CNTNAP2: variants seen among roughly 807,000 people sequenced by gnomAD.
CNTNAP2 encodes the protein contactin-associated protein-like 2.
A neutral mutation model predicts 155.2 loss-of-function variants in CNTNAP2; 98 were observed. The ratio of observed to expected loss-of-function variants is 0.63; its 90% CI spans 0.54 to 0.75. The LOEUF is 0.75. CNTNAP2 is among the 30% of genes least tolerant of loss of function. CNTNAP2 has a pLI of 0.00. For missense variants in CNTNAP2, 1,727 were observed against 1,688.1 expected (o/e 1.02, Z -0.40); for synonymous variants, 651 against 631.2 (o/e 1.03, Z -0.47).
chr7:146,535,101 A>G (rs58249285), intron 1 of CNTNAP2, among the ~76,000 whole-genome samples: 147 of 6,308 alleles, frequency 0.023, 25 homozygotes, highest in African/African-American at 0.12. Flanking sequence ...TTATATATAT[A>G]TTATATATAT....
chr7:148,174,099 C>G, intron 18 of CNTNAP2, among the ~76,000 whole-genome samples: 1 of 152,210 alleles, frequency 6.6e-6, no homozygotes, highest in East Asian at 1.9e-4. Context: ...CAAAAGACAT[C>G]TAAATATTTC....
intron 3 of CNTNAP2, among the ~76,000 whole-genome samples, chr7:146,842,091 T>C (rs1053628955): frequency 9.2e-5 from 14 of 152,132 alleles, no homozygotes; most frequent in African/African-American, 3.4e-4. Context: ...TTCACCAGGT[T>C]GGTCAGTCTG....
intron 2 of CNTNAP2, among the ~76,000 whole-genome samples, chr7:146,835,318 C>A (rs917293167): frequency 6.6e-6 from 1 of 152,126 alleles, no homozygotes; most frequent in African/African-American, 2.4e-5. Flanking sequence ...CACCTGTTAC[C>A]TCATTGTATT....
At chr7:147,622,850 A>T (rs977133783) in intron 12 of CNTNAP2, among the ~76,000 whole-genome samples, 6 of 152,038 alleles carry the variant, frequency 3.9e-5, no homozygotes, top group Admixed American at 6.6e-5. Context: ...GGTTTATTGA[A>T]AAGTTAAACA....
chr7:147,243,429 T>TC (rs1398596099), intron 8 of CNTNAP2, among the ~76,000 whole-genome samples: 1 of 152,112 alleles, frequency 6.6e-6, no homozygotes, highest in African/African-American at 2.4e-5. Context: ...CCCTTCCTCC[T>TC]CCCCCATCAT....
chr7:146,296,956 A>G (rs190959928), intron 1 of CNTNAP2, among the ~76,000 whole-genome samples: 244 of 149,012 alleles, frequency 1.6e-3, no homozygotes, highest in African/African-American at 5.6e-3. Context: ...AGCAGGTATT[A>G]TCTGTGTGTG....
At chr7:147,748,870 C>T (rs759704855) in intron 13 of CNTNAP2, among the ~76,000 whole-genome samples, 13 of 152,032 alleles carry the variant, frequency 8.6e-5, no homozygotes, top group Non-Finnish European at 1.8e-4. Context: ...GCTAGGCAGA[C>T]TGAAACAAAA....
chr7:146,489,838 TGAG>T (rs761468215), intron 1 of CNTNAP2, among the ~76,000 whole-genome samples: 4 of 99,024 alleles, frequency 4.0e-5, no homozygotes, highest in Admixed American at 1.7e-4. Context: ...TCAGTGTGGC[TGAG>T]TTCAGGACTT....
intron 12 of CNTNAP2, among the ~76,000 whole-genome samples, chr7:147,606,760 A>T (rs1801071826): frequency 6.6e-6 from 1 of 152,060 alleles, no homozygotes; most frequent in African/African-American, 2.4e-5. Context: ...TGGACAGCTG[A>T]TCTGCGCTTG....
chr7:147,094,556 C>T (rs1800486160), intron 4 of CNTNAP2, among the ~76,000 whole-genome samples: 1 of 149,182 alleles, frequency 6.7e-6, no homozygotes. Context: ...CGTCCGCCAC[C>T]ACGCCTGGCT....
At chr7:146,149,310 G>A (rs549125754) in intron 1 of CNTNAP2, among the ~76,000 whole-genome samples, 2 of 152,190 alleles carry the variant, frequency 1.3e-5, no homozygotes, top group South Asian at 4.1e-4. Flanking sequence ...AACATAAAAA[G>A]ATTTCCTGTA....
chr7:146,391,443 G>T (rs557126221), intron 1 of CNTNAP2, among the ~76,000 whole-genome samples: 4 of 151,956 alleles, frequency 2.6e-5, no homozygotes, highest in African/African-American at 9.7e-5. Flanking sequence ...TTTTTTGTGG[G>T]TTTATATTAT....
intron 13 of CNTNAP2, among the ~76,000 whole-genome samples, chr7:147,858,749 C>CGT (rs1333178883): frequency 5.9e-5 from 9 of 152,064 alleles, no homozygotes; most frequent in African/African-American, 2.2e-4. Flanking sequence ...CTAAAAGCTA[C>CGT]GTGTACAAGC....
chr7:148,388,134 C>A (rs1212598056), intron 22 of CNTNAP2, among the ~76,000 whole-genome samples: 1 of 152,132 alleles, frequency 6.6e-6, no homozygotes, highest in East Asian at 2.0e-4. Flanking sequence ...TGTAGCTATT[C>A]TTTTATTCCT....
chr7:147,268,794 G>A (rs553537380), intron 8 of CNTNAP2, among the ~76,000 whole-genome samples: 5 of 152,258 alleles, frequency 3.3e-5, no homozygotes, highest in African/African-American at 9.6e-5. Flanking sequence ...GAAGGATTGA[G>A]ATTTTGTTTT....
chr7:146,342,011 A>G (rs2129096756), intron 1 of CNTNAP2, among the ~76,000 whole-genome samples: 1 of 152,298 alleles, frequency 6.6e-6, no homozygotes, highest in African/African-American at 2.4e-5. Context: ...ATTGATTGTA[A>G]GACAAATTTA....
At chr7:147,429,155 T>C (rs1209031955) in intron 10 of CNTNAP2, among the ~76,000 whole-genome samples, 2 of 147,684 alleles carry the variant, frequency 1.4e-5, no homozygotes, top group Non-Finnish European at 3.0e-5. Context: ...TGTTTGTGTA[T>C]ATATATATAT....
chr7:146,309,954 T>C (rs1800791228), intron 1 of CNTNAP2, among the ~76,000 whole-genome samples: 1 of 152,104 alleles, frequency 6.6e-6, no homozygotes, highest in South Asian at 2.1e-4. Flanking sequence ...ACAAATAAAG[T>C]CCTTTGCTGC....
intron 1 of CNTNAP2, among the ~76,000 whole-genome samples, chr7:146,635,350 T>TA (rs1428981896): frequency 2.0e-5 from 3 of 152,166 alleles, no homozygotes; most frequent in Non-Finnish European, 4.4e-5. Flanking sequence ...ACTTTTCTCT[T>TA]ACAACCAGCC....
Sources: gnomAD v4.1 joint callset for allele counts (sites outside exome capture counted in the v4.1 genomes callset) on GRCh38, gnomAD v4.1.1 for gene constraint, MANE v1.5 for transcripts, NCBI Gene and HGNC (gene_info 2026-07-23, HGNC 2026-07-21) for gene names.